The following PCDH15 variants were observed in gnomAD, a reference collection of about 807,000 sequenced individuals.
PCDH15 encodes protocadherin related 15.
A neutral mutation model predicts 178.5 loss-of-function variants in PCDH15; 129 were observed. The observed-to-expected ratio is 0.72, with a 90% CI of 0.63 to 0.84. The LOEUF is 0.84. PCDH15 is among the 40% of genes least tolerant of loss of function. PCDH15 has a pLI of 0.00. For missense variants in PCDH15, 2,230 were observed against 2,099.9 expected (o/e 1.06, Z -1.21); for synonymous variants, 800 against 732.0 (o/e 1.09, Z -1.50).
At chr10:54,333,564 T>TA (rs5785065) in intron 6 of PCDH15, among the ~76,000 whole-genome samples, 96,847 of 143,704 alleles carry the variant, frequency 0.67, 32,925 homozygotes, top group Middle Eastern at 0.8. Flanking sequence ...CTAAAAAGTT[T>TA]AAAAAAAAAA....
chr10:55,264,808 C>A (rs969515827), intron 1 of PCDH15, among the ~76,000 whole-genome samples: 13 of 152,202 alleles, frequency 8.5e-5, no homozygotes, highest in Admixed American at 5.9e-4. Context: ...CAGGAAGGAA[C>A]CATTCATTTT....
At chr10:54,731,490 C>A (rs193243611) in intron 1 of PCDH15, among the ~76,000 whole-genome samples, 1 of 138,258 alleles carries the variant, frequency 7.2e-6, no homozygotes, top group Non-Finnish European at 1.6e-5. Context: ...TTTGCTATAC[C>A]CAAATTATGG....
At chr10:55,474,323 A>G (rs1840021762) in intron 2 of PCDH15, among the ~76,000 whole-genome samples, 1 of 152,230 alleles carries the variant, frequency 6.6e-6, no homozygotes, top group African/African-American at 2.4e-5. Context: ...AGAAAGTAGC[A>G]TCATTTTAAT....
intron 3 of PCDH15, among the ~76,000 whole-genome samples, chr10:54,457,471 C>T (rs2076903392): frequency 6.6e-6 from 1 of 152,110 alleles, no homozygotes; most frequent in Non-Finnish European, 1.5e-5. Context: ...CTATATTGCA[C>T]CATTTCAGAA....
intron 1 of PCDH15, among the ~76,000 whole-genome samples, chr10:54,686,255 T>C (rs1313100066): frequency 6.6e-6 from 1 of 151,898 alleles, no homozygotes; most frequent in Non-Finnish European, 1.5e-5. Context: ...CAAACTATTA[T>C]ATAAATATAG....
At chr10:54,061,946 C>G (rs550708748) in intron 18 of PCDH15, among the ~76,000 whole-genome samples, 1 of 151,850 alleles carries the variant, frequency 6.6e-6, no homozygotes, top group Admixed American at 6.6e-5. Context: ...TAAATGAGGC[C>G]GGGTGTGGTG....
At chr10:55,283,903 TC>T (rs201720816) in intron 1 of PCDH15, among the ~76,000 whole-genome samples, 2,087 of 152,192 alleles carry the variant, frequency 0.014, 49 homozygotes, top group African/African-American at 0.047. Flanking sequence ...ATAGCTGTCA[TC>T]ATCATTTTTG....
intron 3 of PCDH15, among the ~76,000 whole-genome samples, chr10:54,839,649 T>G (rs1045571273): frequency 6.6e-6 from 1 of 152,044 alleles, no homozygotes; most frequent in African/African-American, 2.4e-5. Context: ...GACATTAAGA[T>G]TCATTAAGCT....
chr10:54,251,569 G>A (rs1238499689), intron 8 of PCDH15, among the ~76,000 whole-genome samples: 2 of 152,122 alleles, frequency 1.3e-5, no homozygotes, highest in East Asian at 3.9e-4. Context: ...TAACCAGGCT[G>A]ATGCAGACAA....
intron 12 of PCDH15, among the ~76,000 whole-genome samples, chr10:54,184,107 A>G (rs1475683955): frequency 6.6e-6 from 1 of 152,124 alleles, no homozygotes; most frequent in Non-Finnish European, 1.5e-5. Context: ...TACTTTATCA[A>G]TGTTGATAAT....
chr10:54,349,810 G>T (rs555156057), intron 5 of PCDH15, among the ~76,000 whole-genome samples: 4 of 152,240 alleles, frequency 2.6e-5, no homozygotes, highest in Admixed American at 2.0e-4. Context: ...ATATGCATTT[G>T]CTTATGGTTT....
chr10:54,083,273 A>G (rs2094463424), intron 16 of PCDH15, among the ~76,000 whole-genome samples: 1 of 152,220 alleles, frequency 6.6e-6, no homozygotes, highest in Non-Finnish European at 1.5e-5. Context: ...TAGCAAATCT[A>G]TTCAGTATAT....
chr10:54,311,123 T>C (rs963401952), intron 8 of PCDH15, among the ~76,000 whole-genome samples: 1 of 152,086 alleles, frequency 6.6e-6, no homozygotes, highest in Non-Finnish European at 1.5e-5. Context: ...TTGAGATGTT[T>C]GTCACTAGAA....
intron 2 of PCDH15, among the ~76,000 whole-genome samples, chr10:55,341,694 C>T (rs1456881678): frequency 1.4e-5 from 2 of 143,976 alleles, no homozygotes; most frequent in Non-Finnish European, 3.0e-5. Context: ...CTCAGCCTCC[C>T]GAGTAGCTGG....
chr10:54,166,198 GATC>G (rs2046209576), intron 13 of PCDH15, among the ~76,000 whole-genome samples: 1 of 152,110 alleles, frequency 6.6e-6, no homozygotes, highest in Non-Finnish European at 1.5e-5. Context: ...TACTCTAACA[GATC>G]ATCATCCCCA....
intron 2 of PCDH15, among the ~76,000 whole-genome samples, chr10:55,366,552 G>C (rs1049998811): frequency 2.6e-5 from 4 of 152,032 alleles, no homozygotes; most frequent in African/African-American, 9.7e-5. Flanking sequence ...ATTTTTCATA[G>C]CAAACTTCAA....
intron 2 of PCDH15, among the ~76,000 whole-genome samples, chr10:54,968,260 G>T (rs772500772): frequency 6.6e-6 from 1 of 152,064 alleles, no homozygotes; most frequent in African/African-American, 2.4e-5. Context: ...TAAGAGACAG[G>T]AGTAGAAATG....
At chr10:55,222,924 T>C (rs1475550910) in intron 1 of PCDH15, among the ~76,000 whole-genome samples, 1 of 151,854 alleles carries the variant, frequency 6.6e-6, no homozygotes, top group Non-Finnish European at 1.5e-5. Flanking sequence ...TTTATCTTTG[T>C]CCATAGTTAT....
intron 2 of PCDH15, among the ~76,000 whole-genome samples, chr10:54,926,680 C>A (rs151112074): frequency 6.6e-6 from 1 of 151,592 alleles, no homozygotes. Flanking sequence ...TTCAGTCTTG[C>A]GAGGGTATAT....
Sources: gnomAD v4.1 joint callset for allele counts (sites outside exome capture counted in the v4.1 genomes callset) on GRCh38, gnomAD v4.1.1 for gene constraint, MANE v1.5 for transcripts, NCBI Gene and HGNC (gene_info 2026-07-23, HGNC 2026-07-21) for gene names.